The following G3BP2 variants were observed in gnomAD, a reference collection of about 807,000 sequenced individuals.
The protein encoded by G3BP2 is ras GTPase-activating protein-binding protein 2.
A neutral mutation model predicts 56.7 loss-of-function variants in G3BP2; 11 were observed. That is an observed-to-expected ratio of 0.19 (90% CI 0.12 to 0.32). The LOEUF (loss-of-function observed/expected upper bound fraction) is 0.32. Among genes scored for constraint, G3BP2 ranks in the 10% least tolerant of loss-of-function variants. The pLI is 1.00. For missense variants in G3BP2, 340 were observed against 610.9 expected, an observed-to-expected ratio of 0.56 and a Z score of 4.67; for synonymous variants, 165 against 191.6, an observed-to-expected ratio of 0.86 and a Z score of 1.15.
intron 1 of G3BP2, among the ~76,000 whole-genome samples, chr4:75,664,766 T>C (rs1274585442): frequency 6.6e-6 from 1 of 152,012 alleles, no homozygotes; most frequent in African/African-American, 2.4e-5. Flanking sequence ...AAAAAATCAC[T>C]TTAACCTGGG....
intron 11 of G3BP2, 88 bp downstream of exon 11, chr4:75,646,250 A>C (rs1024658670): frequency 1.2e-5 from 8 of 683,150 alleles, no homozygotes; most frequent in Middle Eastern, 2.8e-4. Flanking sequence ...TTTATTATTA[A>C]AAGATTTTCT....
At position 75,662,037 on chromosome 4, in the gene G3BP2, A is replaced by C. The variant is rs200101504; in HGVS notation, c.-12T>G. 3.2e-6 allele frequency: 5 copies of C among 1,581,326 alleles called. No individual in the cohort carries two copies. In the African/African-American group the frequency reaches 5.4e-5, roughly 17 times the overall value. On this transcript the variant is annotated 5_prime_UTR_variant, in exon 2 of 12. Transcript: ENST00000359707. ...TTCTCCATAACCATTTCTTTGCTGC[A>C]CAATGTCAAATGCTGAGGGAGCAAA...
Position 75,720,022 on chromosome 4 carries a change from C to CTTTTTTTTTTTTTTTT in G3BP2, c.-25+854_-25+855insAAAAAAAAAAAAAAAA, listed in dbSNP as rs67468716. On this transcript the variant is annotated intron_variant, in intron 3 of 3. Coordinates refer to the G3BP2 transcript ENST00000499709. ...GAGCAGGATGGGGGGGCCCAGAACC[C>CTTTTTTTTTTTTTTTT]TTTTTTTTTTTTGAGAAAGGGTCTC... Among the ~76,000 whole-genome samples, 28 of 97,326 alleles carry CTTTTTTTTTTTTTTTT rather than the reference C, an allele frequency of 2.9e-4. 3 individuals are homozygous for CTTTTTTTTTTTTTTTT. Among genetic ancestry groups the CTTTTTTTTTTTTTTTT allele is most frequent in the South Asian group, 7.4e-4 (2 of 2,714 alleles). 63.8% of individuals were successfully genotyped at this position (97,326 alleles called of 152,430 possible).
Position 75,672,899 on chromosome 4 carries a change from C to T in G3BP2, c.-25+309G>A, listed in dbSNP as rs554090669. On this transcript the variant is annotated intron_variant, in intron 1 of 11. Transcript: ENST00000359707. The stretch of plus-strand genomic sequence containing the variant: ...CGCCTTCGGGAGCTGCTGCGTGCCT[C>T]CCCCCCCACTTCGCCACCTCATCCC... 2.8e-3 allele frequency: 1,559 copies of T among 560,734 alleles called. 5 individuals carry two copies. The highest frequency in any genetic ancestry group is 3.3e-3 in the Non-Finnish European group (1,442 of 442,772). 34.7% of individuals were successfully genotyped at this position (560,734 alleles called of 1,614,324 possible).
chr4:75,668,424 A>C (rs1733227668), intron 1 of G3BP2, among the ~76,000 whole-genome samples: 1 of 152,212 alleles, frequency 6.6e-6, no homozygotes, highest in South Asian at 2.1e-4. Flanking sequence ...GGCTACATTA[A>C]TTTAGATGTA....
At chr4:75,673,415 C>T, upstream of G3BP2, 4 of 1,232,266 alleles carry the variant, frequency 3.2e-6, no homozygotes, top group Non-Finnish European at 4.0e-6. Context: ...ACGGACGTCC[C>T]GCCCCCTTTG....
chr4:75,681,848 CAAA>C (rs149053660), intron 3 of G3BP2, among the ~76,000 whole-genome samples: 3 of 117,470 alleles, frequency 2.6e-5, no homozygotes, highest in African/African-American at 3.2e-5. Flanking sequence ...GACTCCATCT[CAAA>C]AAAAAAAAAA....
intron 8 of G3BP2, among the ~76,000 whole-genome samples, chr4:75,652,579 G>A (rs1731778988): frequency 6.6e-6 from 1 of 152,044 alleles, no homozygotes. Context: ...CTAAGATAAC[G>A]CCACTGCCAC....
rs545171326 is a variant in G3BP2, at chr4:75,694,015, A to T, written c.-25+26862T>A. ...CTCAGTCTCCCAAAATGTTGGGATTACAGGTGTGAGGCACTATGCCCAGCC... is the reference window on the plus strand; with the variant it reads ...CTCAGTCTCCCAAAATGTTGGGATTTCAGGTGTGAGGCACTATGCCCAGCC... On this transcript the variant is annotated intron_variant, in intron 3 of 3. Coordinates refer to the G3BP2 transcript ENST00000499709. Among the ~76,000 whole-genome samples the T allele has an allele frequency of 1.2e-3, 176 of 152,228 alleles. 1 individual carries two copies. The highest frequency in any genetic ancestry group is 4.0e-3 in the African/African-American group (167 of 41,546).
At chr4:75,719,392 C>T (rs557834756) in intron 3 of G3BP2, among the ~76,000 whole-genome samples, 1 of 150,656 alleles carries the variant, frequency 6.6e-6, no homozygotes, top group South Asian at 2.1e-4. Flanking sequence ...CGAAGATGAT[C>T]AGGGTCTCCA....
chr4:75,707,434 C>A (rs71607329), intron 3 of G3BP2, among the ~76,000 whole-genome samples: 2 of 151,652 alleles, frequency 1.3e-5, no homozygotes, highest in Non-Finnish European at 2.9e-5. Flanking sequence ...ACGGTGAAAC[C>A]CCGTCTCTAC....
intron 3 of G3BP2, among the ~76,000 whole-genome samples, chr4:75,717,380 C>T (rs900479797): frequency 6.6e-6 from 1 of 152,072 alleles, no homozygotes; most frequent in Non-Finnish European, 1.5e-5. Context: ...AAGGGGGTTG[C>T]AGAGAGGGGA....
rs1358696304 is a variant in G3BP2 at position 75,645,798 on chromosome 4, A to G, written c.1177-96T>C. ...GTCAGTCAGATAAGCATAAGGAATA[A>G]AACACTTTTATCAGCCCCCCACCCC... On this transcript the variant is annotated intron_variant, in intron 11 of 11. Transcript: ENST00000359707. The G allele has an allele frequency of 1.5e-5, 17 of 1,144,916 alleles. No homozygotes were observed. The Admixed American group carries it at 2.9e-4, about 20-fold the overall frequency. The allele number at this position is 1,144,916 out of a possible 1,614,324, so 70.9% of individuals were successfully genotyped here. A position where few individuals can be genotyped will look rare whatever the true frequency, so the allele number is the denominator to read the frequency against.
intron 3 of G3BP2, among the ~76,000 whole-genome samples, chr4:75,707,576 C>G (rs887430296): frequency 2.7e-5 from 4 of 147,644 alleles, no homozygotes; most frequent in Non-Finnish European, 5.9e-5. Flanking sequence ...CGCCACTGCA[C>G]TCCAGCCTGG....
chr4:75,722,983 G>C (rs1214758169), intron 1 of G3BP2, among the ~76,000 whole-genome samples: 1 of 152,154 alleles, frequency 6.6e-6, no homozygotes, highest in East Asian at 1.9e-4. Flanking sequence ...GCCCTTAACA[G>C]TTTGGTTTAG....
At chr4:75,705,512 C>A (rs1184072666) in intron 3 of G3BP2, among the ~76,000 whole-genome samples, 3 of 152,160 alleles carry the variant, frequency 2.0e-5, no homozygotes, top group African/African-American at 7.2e-5. Flanking sequence ...AAATAAAAGG[C>A]CTGCACAGGT....
chr4:75,702,171 ATTTTTTTTT>A (rs57529973), intron 3 of G3BP2, among the ~76,000 whole-genome samples: 2 of 107,480 alleles, frequency 1.9e-5, no homozygotes, highest in Non-Finnish European at 3.6e-5. Flanking sequence ...AAACCCCCCA[ATTTTTTTTT>A]TTTTTTTTTT....
chr4:75,701,423 G>A (rs1719338911), intron 3 of G3BP2, among the ~76,000 whole-genome samples: 1 of 45,986 alleles, frequency 2.2e-5, no homozygotes, highest in African/African-American at 8.0e-5. Flanking sequence ...ACCACACCTG[G>A]CTAATTTTGT....
chr4:75,686,943 T>A (rs1377095261), intron 3 of G3BP2, among the ~76,000 whole-genome samples: 1 of 152,154 alleles, frequency 6.6e-6, no homozygotes, highest in African/African-American at 2.4e-5. Flanking sequence ...AAGCAGTACT[T>A]TTGGCTGAGC....
Sources: allele counts gnomAD v4.1 joint callset (sites outside exome capture counted in the v4.1 genomes callset), GRCh38; gene constraint gnomAD v4.1.1; transcripts MANE v1.5; gene names NCBI Gene and HGNC (gene_info 2026-07-23, HGNC 2026-07-21).